Variants in C16orf96 observed in about 807,000 individuals in gnomAD.
The protein encoded by C16orf96 is chromosome 16 open reading frame 96.
In C16orf96, 108 loss-of-function variants were observed where a neutral mutation model predicts 103.6. That is an observed-to-expected ratio of 1.04 (90% confidence interval 0.89 to 1.22). The LOEUF (loss-of-function observed/expected upper bound fraction) is 1.22, where lower values mean the gene tolerates loss of function less well. C16orf96 is among the 50% of genes most tolerant of loss of function. C16orf96 has a pLI of 0.00. For synonymous variants in C16orf96, 566 were observed against 593.5 expected (o/e 0.95, Z 0.67); for missense variants, 1,586 against 1,464.2 (o/e 1.08, Z -1.36).
intron 7 of C16orf96, among the ~76,000 whole-genome samples, chr16:4,584,443 G>A (rs1013246576): frequency 1.4e-5 from 2 of 145,700 alleles, no homozygotes; most frequent in African/African-American, 5.0e-5. Flanking sequence ...CGCCTCCCGG[G>A]TTCAAGCAAT....
intron 1 of C16orf96, among the ~76,000 whole-genome samples, chr16:4,566,588 G>T (rs1229847095): frequency 6.6e-6 from 1 of 152,106 alleles, no homozygotes; most frequent in Non-Finnish European, 1.5e-5. Flanking sequence ...TCAGATATAT[G>T]ATTTGCAAAA....
chr16:4,600,224 C>T lies in C16orf96; in HGVS notation c.3333C>T (p.Pro1111=), dbSNP rs184467272. 5.1e-3 allele frequency: 7,857 copies of T among 1,551,610 alleles called. 33 individuals are homozygous for T. Among genetic ancestry groups the T allele is most frequent in the Non-Finnish European group, 6.3e-3 (7,278 of 1,146,946 alleles). ...CGCTGATTCCATCCCTAAGGGACCC[C>T]CAGCAGGCCCCAGGGTCCACCAGGC... ...LPPLIPSLRD[P]QQAPGSTRLS... is the part of the protein sequence containing the mutation. The change falls in exon 16 of 16, where the codon CCC becomes CCT. Residue 1111 remains proline, a synonymous_variant. Coordinates refer to ENST00000444310, the MANE Select transcript of C16orf96 (RefSeq NM_001145011.2).
At chr16:4,596,145 G>A (rs1897166631) in intron 14 of C16orf96, among the ~76,000 whole-genome samples, 1 of 152,120 alleles carries the variant, frequency 6.6e-6, no homozygotes, top group Non-Finnish European at 1.5e-5. Flanking sequence ...CCACAAGCAG[G>A]GTGGCTTAAA....
At chr16:4,581,902 G>A (rs908939160) in intron 7 of C16orf96, among the ~76,000 whole-genome samples, 50 of 151,964 alleles carry the variant, frequency 3.3e-4, no homozygotes, top group African/African-American at 1.1e-3. Context: ...GCTGCAGTGA[G>A]CTGTGACTGC....
chr16:4,576,490 C>T lies in C16orf96; in HGVS notation c.2010C>T (p.Thr670=). 6.4e-7 allele frequency: 1 copy of T among 1,551,478 alleles called. No homozygotes were observed. Among genetic ancestry groups the T allele is most frequent in the Non-Finnish European group, 8.7e-7 (1 of 1,147,012 alleles). The change falls in exon 5 of 16, where the codon ACC becomes ACT. Residue 670 remains threonine, a synonymous_variant. Coordinates refer to ENST00000444310, the MANE Select transcript of C16orf96 (RefSeq NM_001145011.2). ...DPALSQAMVA[T]KQAMSPEDKK... ...CCCTGTCCCAGGCCATGGTGGCTAC[C>T]AAGCAGGCCATGAGCCCTGAAGACA... is the stretch of plus-strand genomic sequence containing the variant.
intron 14 of C16orf96, 39 bp downstream of exon 14, chr16:4,594,842 G>C (rs1455856301): frequency 2.1e-5 from 32 of 1,540,088 alleles, no homozygotes; most frequent in Non-Finnish European, 2.7e-5. Flanking sequence ...CCTTGCCTGG[G>C]GCCCTGGTTC....
chr16:4,563,640 C>T (rs571652587), intron 1 of C16orf96, among the ~76,000 whole-genome samples: 6 of 152,222 alleles, frequency 3.9e-5, no homozygotes, highest in African/African-American at 1.4e-4. Flanking sequence ...ATGATCTTGG[C>T]TTACTGCAGC....
At chr16:4,541,292 A>G in the C16orf96 span, among the ~76,000 whole-genome samples, 1 of 152,130 alleles carries the variant, frequency 6.6e-6, no homozygotes, top group Non-Finnish European at 1.5e-5. Flanking sequence ...TTATTTATGG[A>G]TTTTGTGTTT....
At position 4,562,826 on chromosome 16, in the gene C16orf96, T is replaced by G. The variant is rs2059346148; in HGVS notation, c.420+5917T>G. 3 of 1,323,294 alleles carry G rather than the reference T, an allele frequency of 2.3e-6. No homozygotes were observed. In the African/African-American group the frequency reaches 4.4e-5, roughly 19 times the overall value. The allele number at this position is 1,323,294 out of a possible 1,614,324, so 82.0% of individuals were successfully genotyped here. ...GGCTCGAATTTTACAGGTTTCTTACTGTATCATCAGTGTCAGAAATCTGTT... is the reference window on the plus strand; with the variant it reads ...GGCTCGAATTTTACAGGTTTCTTACGGTATCATCAGTGTCAGAAATCTGTT... On this transcript the variant is annotated intron_variant, in intron 1 of 15. Coordinates refer to ENST00000444310, the MANE Select transcript of C16orf96 (RefSeq NM_001145011.2).
In C16orf96 at chr16:4,579,272, A is replaced by G. The variant is rs2931243; in HGVS notation, c.2241+247A>G. ...AGGTGGCTGTTCAGAGGGCAGGTGA[A>G]GCCGGTGCGGTGGCTCATACCTGTA... On this transcript the variant is annotated intron_variant, in intron 6 of 15. Coordinates refer to ENST00000444310, the MANE Select transcript of C16orf96 (RefSeq NM_001145011.2). Among the ~76,000 whole-genome samples the G allele has an allele frequency of 0.96, 145,633 of 152,010 alleles. 70,060 individuals carry two copies. Among genetic ancestry groups the G allele is most frequent in the East Asian group, 1 (5,146 of 5,146 alleles).
intron 10 of C16orf96, 133 bp from the exon 11 acceptor site, chr16:4,592,172 G>C: frequency 1.9e-6 from 2 of 1,059,090 alleles, no homozygotes; most frequent in Non-Finnish European, 1.4e-6. Flanking sequence ...GTTGGAGACT[G>C]CAGGGCCTGT....
At chr16:4,580,807 G>A (rs185290875) in intron 7 of C16orf96, among the ~76,000 whole-genome samples, 9 of 151,846 alleles carry the variant, frequency 5.9e-5, no homozygotes, top group Non-Finnish European at 1.3e-4. Context: ...GGCCAACATG[G>A]TGAAACCCCG....
Position 4,592,368 on chromosome 16 carries a change from G to T in C16orf96, c.2774+1G>T. ...GGCCTGTGGAGATGATGACTGGCCC[G>T]TGAGTACCACCGCCCAGGGTGCCCC... On this transcript the variant is annotated splice_donor_variant, in intron 11 of 15. Transcript: ENST00000444310. LOFTEE classifies it high-confidence loss of function. 1 of 1,551,592 alleles carries T rather than the reference G, an allele frequency of 6.4e-7. No individual in the cohort carries two copies. Among genetic ancestry groups the T allele is most frequent in the Admixed American group, 2.0e-5 (1 of 51,006 alleles).
At chr16:4,571,168 A>G (rs930801330) in intron 1 of C16orf96, among the ~76,000 whole-genome samples, 11 of 152,186 alleles carry the variant, frequency 7.2e-5, no homozygotes, top group Admixed American at 2.6e-4. Flanking sequence ...CCTGAGCCAC[A>G]GAGTGAGACT....
At chr16:4,555,218 G>T (rs13337094), upstream of C16orf96, among the ~76,000 whole-genome samples, 13,785 of 150,768 alleles carry the variant, frequency 0.091, 1,170 homozygotes, top group African/African-American at 0.22. Context: ...AGCGGAGATC[G>T]CGCCACTGCA....
intron 7 of C16orf96, among the ~76,000 whole-genome samples, chr16:4,586,019 G>A (rs192642830): frequency 7.2e-4 from 110 of 152,280 alleles, no homozygotes; most frequent in Admixed American, 1.2e-3. Flanking sequence ...CAGCACTTTG[G>A]GAGGCTGAGG....
Position 4,556,846 on chromosome 16 carries a change from G to A in C16orf96, c.357G>A (p.Gln119=), listed in dbSNP as rs967082753. The change falls in exon 1 of 16, where the codon CAG becomes CAA. Residue 119 remains glutamine (Q), a synonymous_variant. Transcript: ENST00000444310. ...EASQGTARPV[Q]DLWHLIKLRK... ...GCCAGGGCACTGCCCGGCCCGTCCAGGACCTGTGGCATCTGATCAAGCTCC... is the reference window on the plus strand; with the variant it reads ...GCCAGGGCACTGCCCGGCCCGTCCAAGACCTGTGGCATCTGATCAAGCTCC... 47 of 1,551,320 alleles carry A rather than the reference G, an allele frequency of 3.0e-5. No homozygotes were observed. The highest frequency in any genetic ancestry group is 3.9e-5 in the Non-Finnish European group (45 of 1,146,858).
In C16orf96 at chr16:4,593,971, G is replaced by A. The variant is rs921982274; in HGVS notation, c.2868-380G>A. 1.1e-4 allele frequency among the ~76,000 whole-genome samples: 16 copies of A among 152,120 alleles called. 1 individual carries two copies. The highest frequency in any genetic ancestry group is 3.6e-4 in the African/African-American group (15 of 41,404). Reference sequence around the variant, plus strand: ...CAGCCTCCAACCCTGCTGTGGGGACGTCTGGCCAGGTGGGGGAAGAACCGG... The same window carrying A: ...CAGCCTCCAACCCTGCTGTGGGGACATCTGGCCAGGTGGGGGAAGAACCGG... On this transcript the variant is annotated intron_variant, in intron 12 of 15. Coordinates refer to ENST00000444310, the MANE Select transcript of C16orf96 (RefSeq NM_001145011.2). The surrounding 1 kb of genome is among the most constrained non-coding windows in gnomAD (Gnocchi z 4.2).
At position 4,575,289 on chromosome 16, in the gene C16orf96, C is replaced by T. The variant is rs1157984564; in HGVS notation, c.809C>T (p.Pro270Leu). 1 of 1,551,002 alleles carries T rather than the reference C, an allele frequency of 6.4e-7. No individual in the cohort carries two copies. Among genetic ancestry groups the T allele is most frequent in the Non-Finnish European group, 8.7e-7 (1 of 1,146,972 alleles). The change falls in exon 5 of 16, where the codon CCC (proline) becomes CTC (leucine). Residue 270 changes from proline (P) to leucine (L), a missense_variant. Pro to Leu is a moderately conservative substitution (Grantham distance 98, BLOSUM62 -3). Coordinates refer to ENST00000444310, the MANE Select transcript of C16orf96 (RefSeq NM_001145011.2). ...ACTCGTGCCATCCAGGTCTCCGAGC[C>T]CGTCCAAAACCCCCAGCTACTGCAG... ...EATRAIQVSE[P>L]VQNPQLLQTV...
Sources: gnomAD v4.1 joint callset for allele counts (sites outside exome capture counted in the v4.1 genomes callset) on GRCh38, gnomAD v4.1.1 for gene constraint, Gnocchi (gnomAD v3.1) non-coding constraint, MANE v1.5 for transcripts, NCBI Gene and HGNC (gene_info 2026-07-23, HGNC 2026-07-21) for gene names.